SCHIP1: variants seen among roughly 807,000 people sequenced by gnomAD.
The protein encoded by SCHIP1 is schwannomin-interacting protein 1.
A neutral mutation model predicts 29.7 loss-of-function variants in SCHIP1; 8 were observed. The observed-to-expected ratio is 0.27, with a 90% CI of 0.16 to 0.49. The LOEUF is 0.49. Among genes scored for constraint, SCHIP1 ranks in the 20% least tolerant of loss-of-function variants. The pLI, the probability that SCHIP1 is intolerant of heterozygous loss-of-function variation, is 0.99. For missense variants in SCHIP1, 193 were observed against 294.6 expected, an observed-to-expected ratio of 0.66 and a Z score of 2.52; for synonymous variants, 76 against 94.9, an observed-to-expected ratio of 0.80 and a Z score of 1.16.
chr3:159,692,895 G>A, the SCHIP1 span, among the ~76,000 whole-genome samples: 1 of 152,116 alleles, frequency 6.6e-6, no homozygotes, highest in Non-Finnish European at 1.5e-5. Context: ...AAAAAAATGT[G>A]GGACCCATAG....
the SCHIP1 span, among the ~76,000 whole-genome samples, chr3:159,344,970 T>C: frequency 2.0e-5 from 3 of 152,178 alleles, no homozygotes; most frequent in Non-Finnish European, 4.4e-5. Context: ...AAATGTTGGC[T>C]GGGCACGGTG....
chr3:159,880,007 C>T (rs1209132545), intron 2 of SCHIP1, among the ~76,000 whole-genome samples: 1 of 152,036 alleles, frequency 6.6e-6, no homozygotes, highest in Non-Finnish European at 1.5e-5. Flanking sequence ...CTTAGAAGAG[C>T]AAGCAGAAAA....
the SCHIP1 span, among the ~76,000 whole-genome samples, chr3:159,357,429 T>G: frequency 2.0e-5 from 3 of 152,180 alleles, no homozygotes; most frequent in Non-Finnish European, 4.4e-5. Flanking sequence ...CACACACACA[T>G]GTACAAATGC....
the SCHIP1 span, among the ~76,000 whole-genome samples, chr3:159,374,166 T>A: frequency 6.6e-6 from 1 of 152,200 alleles, no homozygotes; most frequent in Non-Finnish European, 1.5e-5. Flanking sequence ...GGAGGAGGAA[T>A]GAACATGTTA....
chr3:159,630,829 A>T, the SCHIP1 span, among the ~76,000 whole-genome samples: 1 of 152,224 alleles, frequency 6.6e-6, no homozygotes. Context: ...GAACTTATTC[A>T]TGTAACCAAA....
At chr3:159,392,169 C>G in the SCHIP1 span, among the ~76,000 whole-genome samples, 1 of 152,130 alleles carries the variant, frequency 6.6e-6, no homozygotes, top group South Asian at 2.1e-4. Context: ...TTAGTTATTT[C>G]ATTCACACAA....
the SCHIP1 span, among the ~76,000 whole-genome samples, chr3:159,626,214 C>CTATCTATA: frequency 2.2e-5 from 2 of 90,690 alleles, no homozygotes; most frequent in African/African-American, 1.3e-4. Context: ...ATAGATATAT[C>CTATCTATA]TAGATATATA....
the SCHIP1 span, among the ~76,000 whole-genome samples, chr3:159,714,685 CAAGGCTGGGGA>C: frequency 6.6e-6 from 1 of 152,220 alleles, no homozygotes; most frequent in Non-Finnish European, 1.5e-5. Flanking sequence ...AAGGCGGCAG[CAAGGCTGGGGA>C]AGGGGTGCCC....
the SCHIP1 span, among the ~76,000 whole-genome samples, chr3:159,626,408 T>C: frequency 6.6e-6 from 1 of 151,740 alleles, no homozygotes; most frequent in South Asian, 2.1e-4. Flanking sequence ...CTATATCACT[T>C]ACAGCCACTG....
At chr3:159,715,821 C>T in the SCHIP1 span, among the ~76,000 whole-genome samples, 9 of 152,188 alleles carry the variant, frequency 5.9e-5, no homozygotes, top group African/African-American at 1.7e-4. Flanking sequence ...AGTTGGAAAA[C>T]ACTCTGCAGG....
the SCHIP1 span, among the ~76,000 whole-genome samples, chr3:159,550,084 T>A: frequency 6.7e-6 from 1 of 150,126 alleles, no homozygotes; most frequent in Admixed American, 6.6e-5. Flanking sequence ...TTAAGAAAAT[T>A]AATTATCTTA....
the SCHIP1 span, among the ~76,000 whole-genome samples, chr3:159,552,620 A>G: frequency 6.6e-6 from 1 of 152,222 alleles, no homozygotes. Flanking sequence ...CTGAAAAGAA[A>G]TGCTAGGACA....
the SCHIP1 span, among the ~76,000 whole-genome samples, chr3:159,633,478 T>G: frequency 6.6e-6 from 1 of 152,042 alleles, no homozygotes; most frequent in East Asian, 1.9e-4. Flanking sequence ...TGCAGAACAT[T>G]GGGAGTAAAG....
chr3:159,290,947 T>G, the SCHIP1 span, among the ~76,000 whole-genome samples: 1 of 152,016 alleles, frequency 6.6e-6, no homozygotes, highest in African/African-American at 2.4e-5. Context: ...AGCATAAAAT[T>G]TTATTTATAA....
chr3:159,494,875 G>A, the SCHIP1 span, among the ~76,000 whole-genome samples: 17 of 152,234 alleles, frequency 1.1e-4, no homozygotes, highest in African/African-American at 3.4e-4. Flanking sequence ...CTGGCAAACC[G>A]AATCCAGCAA....
At chr3:159,699,104 C>T in the SCHIP1 span, among the ~76,000 whole-genome samples, 1 of 152,160 alleles carries the variant, frequency 6.6e-6, no homozygotes, top group African/African-American at 2.4e-5. Context: ...TCTCTGTGCC[C>T]AGTGGAAGCT....
At chr3:159,576,113 A>G in the SCHIP1 span, among the ~76,000 whole-genome samples, 5 of 152,204 alleles carry the variant, frequency 3.3e-5, no homozygotes, top group African/African-American at 7.2e-5. Context: ...GAGGATTTTG[A>G]ATGTTTATAA....
upstream of SCHIP1, among the ~76,000 whole-genome samples, chr3:159,835,531 A>G (rs1743577842): frequency 1.3e-5 from 2 of 152,180 alleles, no homozygotes; most frequent in South Asian, 2.1e-4. Context: ...CATTTACTTG[A>G]TGTACTTCAA....
the SCHIP1 span, among the ~76,000 whole-genome samples, chr3:159,752,683 T>C: frequency 6.6e-6 from 1 of 152,104 alleles, no homozygotes; most frequent in Non-Finnish European, 1.5e-5. Context: ...GAGAACTCAC[T>C]ATTACGAGAA....
Sources: allele counts gnomAD v4.1 joint callset (sites outside exome capture counted in the v4.1 genomes callset), GRCh38; gene constraint gnomAD v4.1.1; transcripts MANE v1.5; gene names NCBI Gene and HGNC (gene_info 2026-07-23, HGNC 2026-07-21).